Variants in TPH2 observed in about 807,000 individuals in gnomAD.
TPH2 encodes tryptophan 5-hydroxylase 2.
In TPH2, 27 loss-of-function variants were observed where a neutral mutation model predicts 59.1. The ratio of observed to expected loss-of-function variants is 0.46; its 90% CI spans 0.34 to 0.63. TPH2 has a LOEUF of 0.63. Ranked by LOEUF, TPH2 falls within the 30% of genes least tolerant of loss-of-function variation. TPH2 has a pLI of 0.01. For missense variants in TPH2, 523 were observed against 588.3 expected, an observed-to-expected ratio of 0.89 and a Z score of 1.15; for synonymous variants, 220 against 210.5, an observed-to-expected ratio of 1.05 and a Z score of -0.39.
chr12:72,031,330 A>G lies in TPH2; in HGVS notation c.1237A>G (p.Thr413Ala). ...KTTCLQECLI[T>A]TFQEAYFVSE... is the part of the protein sequence containing the mutation. ...AACTTGCTTACAGGAATGCCTTATC[A>G]CCACCTTCCAGGAAGCCTACTTTGT... Residue 413 changes from threonine (T) to alanine (A), a missense_variant, in exon 10 of 11, where the codon ACC becomes GCC. Coordinates refer to ENST00000333850, the MANE Select transcript of TPH2 (RefSeq NM_173353.4). The G allele has an allele frequency of 1.2e-6, 2 of 1,613,770 alleles. No homozygotes were observed. The highest frequency in any genetic ancestry group is 1.7e-6 in the Non-Finnish European group (2 of 1,179,686).
intron 7 of TPH2, among the ~76,000 whole-genome samples, chr12:71,983,976 G>A (rs932953308): frequency 2.6e-5 from 4 of 152,078 alleles, no homozygotes; most frequent in African/African-American, 9.7e-5. Context: ...ATATGGGTGT[G>A]GTGTTCTATT....
intron 8 of TPH2, among the ~76,000 whole-genome samples, chr12:72,020,635 C>G (rs917165648): frequency 3.3e-5 from 5 of 152,002 alleles, no homozygotes; most frequent in African/African-American, 1.2e-4. Flanking sequence ...ATTACAGGTG[C>G]ACCACCACGC....
chr12:72,002,634 A>G (rs766580204), intron 8 of TPH2, among the ~76,000 whole-genome samples: 2 of 152,168 alleles, frequency 1.3e-5, no homozygotes, highest in Non-Finnish European at 2.9e-5. Flanking sequence ...TAGGAAATGC[A>G]TATTAGCATG....
At chr12:71,960,985 A>T (rs911433955) in intron 5 of TPH2, among the ~76,000 whole-genome samples, 2 of 152,208 alleles carry the variant, frequency 1.3e-5, no homozygotes, top group African/African-American at 4.8e-5. Flanking sequence ...ATTAGGCACT[A>T]GGCACTGGCC....
intron 8 of TPH2, among the ~76,000 whole-genome samples, chr12:72,001,777 T>C (rs1037534835): frequency 4.6e-5 from 7 of 152,144 alleles, no homozygotes; most frequent in African/African-American, 1.7e-4. Context: ...ATCTCCTCCA[T>C]TTGAAGGTGC....
At chr12:71,957,327 A>ATTTTTTTTTTT (rs35425528) in intron 5 of TPH2, among the ~76,000 whole-genome samples, 3 of 95,596 alleles carry the variant, frequency 3.1e-5, no homozygotes, top group Admixed American at 1.4e-4. Flanking sequence ...TGAGTAAAGG[A>ATTTTTTTTTTT]TTTTTTTTTT....
At chr12:71,994,337 AATTAC>A in intron 7 of TPH2, 97 bp from the exon 8 acceptor site, 1 of 1,277,426 alleles carries the variant, frequency 7.8e-7, no homozygotes. Flanking sequence ...GTAACTAATT[AATTAC>A]AGTGACAAGG....
intron 8 of TPH2, among the ~76,000 whole-genome samples, chr12:72,018,670 A>G (rs547126376): frequency 3.9e-5 from 6 of 152,344 alleles, no homozygotes; most frequent in African/African-American, 7.2e-5. Context: ...TCTATATTCA[A>G]TGTTAAGGCT....
intron 8 of TPH2, among the ~76,000 whole-genome samples, chr12:71,998,477 A>G (rs1259352777): frequency 6.6e-6 from 1 of 152,194 alleles, no homozygotes; most frequent in African/African-American, 2.4e-5. Context: ...CAAAGTGAAT[A>G]GAAAATTGCC....
At chr12:71,972,340 C>T (rs1871996619) in intron 5 of TPH2, among the ~76,000 whole-genome samples, 179 bp from the exon 6 acceptor site, 1 of 152,172 alleles carries the variant, frequency 6.6e-6, no homozygotes, top group Non-Finnish European at 1.5e-5. Context: ...AATTCAAATA[C>T]ACATGCACAA....
chr12:71,959,095 A>G (rs2139192913), intron 5 of TPH2, among the ~76,000 whole-genome samples: 1 of 147,698 alleles, frequency 6.8e-6, no homozygotes, highest in South Asian at 2.1e-4. Context: ...CTTCCTGCTT[A>G]TACTGCCAAG....
intron 8 of TPH2, among the ~76,000 whole-genome samples, chr12:72,002,424 A>G (rs1051827007): frequency 2.0e-5 from 3 of 152,204 alleles, no homozygotes; most frequent in African/African-American, 7.2e-5. Context: ...ATCGTAAATT[A>G]GAAATTGGTT....
intron 1 of TPH2, among the ~76,000 whole-genome samples, chr12:71,940,230 A>T (rs1173338348): frequency 6.6e-6 from 1 of 152,196 alleles, no homozygotes; most frequent in Non-Finnish European, 1.5e-5. Flanking sequence ...TCTGTATGCA[A>T]GATCTGTGTG....
At chr12:71,973,695 G>A (rs1418678457) in intron 6 of TPH2, among the ~76,000 whole-genome samples, 1 of 152,034 alleles carries the variant, frequency 6.6e-6, no homozygotes, top group African/African-American at 2.4e-5. Flanking sequence ...TTCACTTTAC[G>A]GACTCACTCA....
At position 71,994,329 on chromosome 12, in the gene TPH2, A is replaced by T. The variant is rs188413531; in HGVS notation, c.942-110A>T. 36 of 1,177,228 alleles carry T rather than the reference A, an allele frequency of 3.1e-5. 1 individual carries two copies. The Admixed American group carries it at 6.0e-4, about 20-fold the overall frequency. 72.9% of individuals were successfully genotyped at this position (1,177,228 alleles called of 1,614,324 possible). On this transcript the variant is annotated intron_variant, in intron 7 of 10. Coordinates refer to ENST00000333850, the MANE Select transcript of TPH2 (RefSeq NM_173353.4). Reference sequence around the variant, plus strand: ...AGTCCCAGCATTGATGAACTGTAGTAACTAATTAATTACAGTGACAAGGTC... The same window carrying T: ...AGTCCCAGCATTGATGAACTGTAGTTACTAATTAATTACAGTGACAAGGTC...
intron 8 of TPH2, among the ~76,000 whole-genome samples, chr12:72,016,002 C>T (rs10879354): frequency 0.52 from 78,112 of 151,464 alleles, 21,025 homozygotes; most frequent in Middle Eastern, 0.61. Flanking sequence ...GCCTTGTATC[C>T]ATAAGTGCAG....
In TPH2 at chr12:72,012,173, T is replaced by TCAACAA. The variant is rs58438005; in HGVS notation, c.1069-10207_1069-10202dup. 6.9e-3 allele frequency among the ~76,000 whole-genome samples: 1,051 copies of TCAACAA among 151,636 alleles called. 14 individuals are homozygous for TCAACAA. The highest frequency in any genetic ancestry group is 0.023 in the African/African-American group (964 of 41,290). On this transcript the variant is annotated intron_variant, in intron 8 of 10. Coordinates refer to ENST00000333850, the MANE Select transcript of TPH2 (RefSeq NM_173353.4). ...AGGCAGGATGATAGAGAGCAGGAAT[T>TCAACAA]CAACAACAACAACAACAACAACAAT...
chr12:71,962,678 G>A, intron 5 of TPH2: 1 of 984,630 alleles, frequency 1.0e-6, no homozygotes, highest in Non-Finnish European at 1.2e-6. Context: ...TTTTGCTTTA[G>A]GCTGATTGAT....
intron 2 of TPH2, among the ~76,000 whole-genome samples, chr12:71,943,156 A>G (rs528572529): frequency 2.0e-4 from 31 of 152,304 alleles, no homozygotes; most frequent in African/African-American, 7.0e-4. Context: ...AACATGCATG[A>G]TATTATTGTA....
Sources: allele counts gnomAD v4.1 joint callset (sites outside exome capture counted in the v4.1 genomes callset), GRCh38; gene constraint gnomAD v4.1.1; transcripts MANE v1.5; gene names NCBI Gene and HGNC (gene_info 2026-07-23, HGNC 2026-07-21).